The following TNRC6B variants were observed in gnomAD, a reference collection of about 807,000 sequenced individuals.
TNRC6B encodes the protein trinucleotide repeat-containing gene 6B protein.
TNRC6B carries 52 observed loss-of-function variants against 203.6 expected under a neutral mutation model. The observed-to-expected ratio is 0.26, with a 90% CI of 0.20 to 0.32. The LOEUF (loss-of-function observed/expected upper bound fraction) is 0.32, where lower values mean the gene tolerates loss of function less well. Ranked by LOEUF, TNRC6B falls within the 10% of genes least tolerant of loss-of-function variation. The pLI is 1.00. For missense variants in TNRC6B, 1,923 were observed against 2,286.2 expected (o/e 0.84, Z 3.24); for synonymous variants, 838 against 845.7 (o/e 0.99, Z 0.16).
At chr22:40,260,616 A>C (rs1023824267) in intron 3 of TNRC6B, among the ~76,000 whole-genome samples, 13 of 152,176 alleles carry the variant, frequency 8.5e-5, no homozygotes, top group African/African-American at 3.1e-4. Flanking sequence ...GGCTTCAATA[A>C]AGTTTACTCA....
intron 3 of TNRC6B, among the ~76,000 whole-genome samples, chr22:40,152,203 C>T (rs1156780345): frequency 1.3e-5 from 2 of 152,202 alleles, no homozygotes; most frequent in Non-Finnish European, 1.5e-5. Flanking sequence ...AGAGAAGACA[C>T]ATGCAATACA....
In TNRC6B at chr22:40,313,072, A is replaced by G. The variant is rs1396881837; in HGVS notation, c.4678+75A>G. 9 of 1,153,468 alleles carry G rather than the reference A, an allele frequency of 7.8e-6. No homozygotes were observed. In the Admixed American group the frequency reaches 1.6e-4, roughly 20 times the overall value. The allele number at this position is 1,153,468 out of a possible 1,614,324, so 71.5% of individuals were successfully genotyped here. A position where few individuals can be genotyped will look rare whatever the true frequency, so the allele number is the denominator to read the frequency against. ...GTTCCCTTTTATAAAGGAAACTGGC[A>G]TGTATTTCATAAGATATACTCTTAC... On this transcript the variant is annotated intron_variant, in intron 19 of 22. Coordinates refer to ENST00000454349, the MANE Select transcript of TNRC6B (RefSeq NM_001162501.2).
rs184317971 is a variant in TNRC6B at position 40,052,399 on chromosome 22, G to A, written c.-121+7401G>A. Among the ~76,000 whole-genome samples, 210 of 141,198 alleles carry A rather than the reference G, an allele frequency of 1.5e-3. 1 individual carries two copies. Among genetic ancestry groups the A allele is most frequent in the Non-Finnish European group, 5.9e-4 (39 of 65,706 alleles). The allele number at this position is 141,198 out of a possible 152,430, so 92.6% of individuals were successfully genotyped here. Reference sequence around the variant, plus strand: ...GATGGCAGCTGTACACAGCCTCAGTGTTCTCATTTGTGTGTACCTGCTTAA... The same window carrying A: ...GATGGCAGCTGTACACAGCCTCAGTATTCTCATTTGTGTGTACCTGCTTAA... On this transcript the variant is annotated intron_variant, in intron 1 of 23. Transcript: ENST00000301923.
At chr22:40,301,979 A>G (rs1294898367) in intron 15 of TNRC6B, among the ~76,000 whole-genome samples, 1 of 152,206 alleles carries the variant, frequency 6.6e-6, no homozygotes, top group Non-Finnish European at 1.5e-5. Flanking sequence ...TAAAATATGT[A>G]CTAGTTTGAA....
chr22:40,214,549 GT>G (rs71735740), intron 1 of TNRC6B, among the ~76,000 whole-genome samples: 1 of 148,262 alleles, frequency 6.7e-6, no homozygotes, highest in Non-Finnish European at 1.5e-5. Context: ...TCTTTCTGTG[GT>G]TTTTTTTTTT....
chr22:40,112,055 G>A lies in TNRC6B; in HGVS notation c.-120-5000G>A, dbSNP rs985245770. Reference sequence around the variant, plus strand: ...GCAGAGGTTGTAGTGAACCAAGATCGCGCCACTGCACTCCAGCCTGGGCAA... The same window carrying A: ...GCAGAGGTTGTAGTGAACCAAGATCACGCCACTGCACTCCAGCCTGGGCAA... On this transcript the variant is annotated intron_variant, in intron 1 of 23. Coordinates refer to the TNRC6B transcript ENST00000301923. Among the ~76,000 whole-genome samples, 13 of 152,214 alleles carry A rather than the reference G, an allele frequency of 8.5e-5. No homozygotes were observed. In the South Asian group the frequency reaches 1.7e-3, roughly 19 times the overall value.
intron 2 of TNRC6B, among the ~76,000 whole-genome samples, chr22:40,125,403 C>A (rs1376592202): frequency 1.3e-5 from 2 of 152,216 alleles, no homozygotes; most frequent in Non-Finnish European, 2.9e-5. Context: ...GGCGGAACAA[C>A]AGGTGCGCCG....
rs1318296790 is a variant in TNRC6B, at chr22:40,328,706, T to G, written c.*5465T>G. On this transcript the variant is annotated 3_prime_UTR_variant, in exon 23 of 23. Coordinates refer to ENST00000454349, the MANE Select transcript of TNRC6B (RefSeq NM_001162501.2). ...GCAAAATGCTTACGCCAAGCCTGTT[T>G]TTCTCTGCAGAGTAAACAGGATGTT... 6.6e-6 allele frequency: 1 copy of G among 152,218 alleles called. No homozygotes were observed. Among genetic ancestry groups the G allele is most frequent in the Non-Finnish European group, 1.5e-5 (1 of 68,042 alleles). 9.4% of individuals were successfully genotyped at this position (152,218 alleles called of 1,614,324 possible).
chr22:40,202,520 C>G (rs2069427517), intron 1 of TNRC6B, among the ~76,000 whole-genome samples: 1 of 151,976 alleles, frequency 6.6e-6, no homozygotes, highest in African/African-American at 2.4e-5. Context: ...AAAAAGGAGT[C>G]CATCTTTCAG....
rs58632540 is a variant in TNRC6B at position 40,123,894 on chromosome 22, C to CTTTT, written c.-46-1864_-46-1861dup. The stretch of plus-strand genomic sequence containing the variant: ...CAACCTAATTTTTATAGAAAGAGAA[C>CTTTT]TTTTTTTTTTTTTTTTTGCACAACT... On this transcript the variant is annotated intron_variant, in intron 2 of 23. Coordinates refer to the TNRC6B transcript ENST00000301923. 3.9e-3 allele frequency among the ~76,000 whole-genome samples: 534 copies of CTTTT among 135,898 alleles called. 7 individuals are homozygous for CTTTT. Among genetic ancestry groups the CTTTT allele is most frequent in the African/African-American group, 0.014 (505 of 36,850 alleles). 89.2% of individuals were successfully genotyped at this position (135,898 alleles called of 152,430 possible).
intron 4 of TNRC6B, among the ~76,000 whole-genome samples, chr22:40,168,470 C>T (rs1466829328): frequency 6.6e-6 from 1 of 152,078 alleles, no homozygotes; most frequent in Non-Finnish European, 1.5e-5. Context: ...AGAAAGGCTT[C>T]CTCCAAACGC....
intron 3 of TNRC6B, among the ~76,000 whole-genome samples, chr22:40,254,278 T>C (rs1472997708): frequency 6.6e-6 from 1 of 152,200 alleles, no homozygotes; most frequent in Admixed American, 6.5e-5. Flanking sequence ...GGATGAAGTT[T>C]AGGATTAAGT....
At chr22:40,164,779 GTT>G (rs36044175) in intron 4 of TNRC6B, among the ~76,000 whole-genome samples, 74,786 of 113,594 alleles carry the variant, frequency 0.66, 26,092 homozygotes, top group African/African-American at 0.89. Flanking sequence ...AAAAAAAAAA[GTT>G]TTTTTTTTTT....
chr22:40,074,989 C>T (rs551800416), intron 1 of TNRC6B, among the ~76,000 whole-genome samples: 1 of 151,398 alleles, frequency 6.6e-6, no homozygotes, highest in African/African-American at 2.4e-5. Context: ...AAAACACATG[C>T]AATTTCAGTC....
intron 12 of TNRC6B, among the ~76,000 whole-genome samples, chr22:40,290,396 C>T (rs755989841): frequency 6.6e-6 from 1 of 152,156 alleles, no homozygotes; most frequent in Non-Finnish European, 1.5e-5. Context: ...CTGGTTCTCT[C>T]GCTGAGAATG....
chr22:40,104,388 T>C (rs1430439517), intron 1 of TNRC6B, among the ~76,000 whole-genome samples: 5 of 152,202 alleles, frequency 3.3e-5, no homozygotes, highest in Non-Finnish European at 5.9e-5. Context: ...CTCAGGTTAT[T>C]GCCATAGGAA....
At chr22:40,051,205 G>A (rs1248597867) in intron 1 of TNRC6B, among the ~76,000 whole-genome samples, 1 of 152,180 alleles carries the variant, frequency 6.6e-6, no homozygotes, top group Non-Finnish European at 1.5e-5. Flanking sequence ...TCTTGCCACA[G>A]TGAGATAGAT....
chr22:40,045,202 G>T (rs2067676573), intron 1 of TNRC6B, among the ~76,000 whole-genome samples: 1 of 145,346 alleles, frequency 6.9e-6, no homozygotes, highest in Non-Finnish European at 1.5e-5. Flanking sequence ...GTGAGCGCGC[G>T]CGGGGCTGGT....
intron 1 of TNRC6B, among the ~76,000 whole-genome samples, chr22:40,090,648 C>T (rs571559622): frequency 1.3e-5 from 2 of 152,150 alleles, no homozygotes; most frequent in East Asian, 1.9e-4. Context: ...CTCATTCTCT[C>T]GATTAACTTA....
Sources: gnomAD v4.1 joint callset for allele counts (sites outside exome capture counted in the v4.1 genomes callset) on GRCh38, gnomAD v4.1.1 for gene constraint, MANE v1.5 for transcripts, NCBI Gene and HGNC (gene_info 2026-07-23, HGNC 2026-07-21) for gene names.